The following SUMF1 variants were observed in gnomAD, a reference collection of about 807,000 sequenced individuals.
The protein encoded by SUMF1 is sulfatase modifying factor 1, also known as formylglycine-generating enzyme.
In SUMF1, 48 loss-of-function variants were observed where a neutral mutation model predicts 47.6. The observed-to-expected ratio is 1.01, with a 90% CI of 0.80 to 1.28. SUMF1 has a LOEUF of 1.28. SUMF1 is among the 50% of genes most tolerant of loss of function. SUMF1 has a pLI of 0.00. For synonymous variants in SUMF1, 230 were observed against 192.1 expected, an observed-to-expected ratio of 1.20 and a Z score of -1.63; for missense variants, 571 against 485.4, an observed-to-expected ratio of 1.18 and a Z score of -1.66.
At chr3:4,253,149 G>A (rs182758433) in intron 8 of SUMF1, among the ~76,000 whole-genome samples, 1 of 152,208 alleles carries the variant, frequency 6.6e-6, no homozygotes, top group Non-Finnish European at 1.5e-5. Flanking sequence ...CACAAGCTCA[G>A]TTTGGTTCAC....
intron 8 of SUMF1, among the ~76,000 whole-genome samples, chr3:4,204,583 C>G (rs141450160): frequency 3.9e-5 from 6 of 152,110 alleles, no homozygotes; most frequent in Non-Finnish European, 8.8e-5. Flanking sequence ...CAATCTTTCT[C>G]TCTACCTCCT....
intron 8 of SUMF1, among the ~76,000 whole-genome samples, chr3:4,099,529 C>T (rs1011983850): frequency 6.6e-6 from 1 of 152,030 alleles, no homozygotes; most frequent in African/African-American, 2.4e-5. Flanking sequence ...AAGTCAAATG[C>T]TTTCCATCTA....
intron 8 of SUMF1, among the ~76,000 whole-genome samples, chr3:4,089,325 C>G (rs1185163895): frequency 6.6e-6 from 1 of 152,120 alleles, no homozygotes; most frequent in South Asian, 2.1e-4. Flanking sequence ...ATTGGCAACA[C>G]TTCAGAATGT....
intron 9 of SUMF1, among the ~76,000 whole-genome samples, chr3:4,043,029 A>G (rs1457365244): frequency 6.6e-6 from 1 of 152,070 alleles, no homozygotes; most frequent in African/African-American, 2.4e-5. Flanking sequence ...TGGCTAATAG[A>G]AAGACCAAAA....
chr3:4,345,567 C>T (rs1479780187), intron 8 of SUMF1, among the ~76,000 whole-genome samples: 3 of 152,168 alleles, frequency 2.0e-5, no homozygotes, highest in African/African-American at 7.2e-5. Flanking sequence ...CTGGTAGCAG[C>T]CACTGCAAAA....
At chr3:4,386,419 G>A (rs1443159271) in intron 7 of SUMF1, among the ~76,000 whole-genome samples, 1 of 152,068 alleles carries the variant, frequency 6.6e-6, no homozygotes, top group African/African-American at 2.4e-5. Flanking sequence ...TTTGTTGTTA[G>A]TCTTACAAAA....
intron 8 of SUMF1, among the ~76,000 whole-genome samples, chr3:4,200,365 G>A (rs765461370): frequency 9.9e-5 from 15 of 151,786 alleles, no homozygotes; most frequent in Non-Finnish European, 1.9e-4. Flanking sequence ...ATGTGGGCAG[G>A]GCACTCCCCA....
intron 8 of SUMF1, among the ~76,000 whole-genome samples, chr3:4,161,720 C>A (rs1423756956): frequency 6.6e-6 from 1 of 152,060 alleles, no homozygotes; most frequent in African/African-American, 2.4e-5. Context: ...TGATCTAGGG[C>A]AGGTCCAGAA....
intron 8 of SUMF1, among the ~76,000 whole-genome samples, chr3:4,199,660 A>T (rs1695501291): frequency 6.6e-6 from 1 of 152,144 alleles, no homozygotes; most frequent in Non-Finnish European, 1.5e-5. Flanking sequence ...CTTATTATGT[A>T]TATTTTAATA....
intron 8 of SUMF1, among the ~76,000 whole-genome samples, chr3:4,154,169 T>C (rs559938219): frequency 1.3e-5 from 2 of 151,510 alleles, no homozygotes; most frequent in South Asian, 4.2e-4. Flanking sequence ...TGTGTGGAGG[T>C]ATCCAGGAAG....
At position 4,135,360 on chromosome 3, in the gene SUMF1, A is replaced by C. The variant is rs1034836533; in HGVS notation, c.1015-66615T>G. ...ATGTAATCCAGCATATAAACAGAAT[A>C]AAAGACAAAAACCACATGATTATCT... On this transcript the variant is annotated intron_variant and NMD_transcript_variant, in intron 8 of 12. Coordinates refer to the SUMF1 transcript ENST00000448413. Among the ~76,000 whole-genome samples the C allele has an allele frequency of 1.3e-3, 200 of 152,154 alleles. 2 individuals are homozygous for C. The highest frequency in any genetic ancestry group is 0.012 in the Admixed American group (185 of 15,252).
At chr3:4,106,835 A>T (rs1693170596) in intron 8 of SUMF1, among the ~76,000 whole-genome samples, 1 of 152,134 alleles carries the variant, frequency 6.6e-6, no homozygotes, top group Non-Finnish European at 1.5e-5. Flanking sequence ...ACAAATTAGG[A>T]TTTACCCTAG....
chr3:4,210,609 C>A (rs1405673436), intron 8 of SUMF1, among the ~76,000 whole-genome samples: 2 of 152,026 alleles, frequency 1.3e-5, no homozygotes, highest in Non-Finnish European at 2.9e-5. Flanking sequence ...CCACAATGCA[C>A]AAAAATTTTT....
intron 8 of SUMF1, chr3:4,303,536 G>T: frequency 7.3e-7 from 1 of 1,372,786 alleles, no homozygotes; most frequent in Non-Finnish European, 9.4e-7. Context: ...GGTAGGGGCG[G>T]GGCCAGGCGG....
chr3:4,199,182 A>G (rs947867512), intron 8 of SUMF1, among the ~76,000 whole-genome samples: 1 of 152,060 alleles, frequency 6.6e-6, no homozygotes, highest in Non-Finnish European at 1.5e-5. Flanking sequence ...CTCCACAGAA[A>G]CCTGATCTTC....
intron 8 of SUMF1, among the ~76,000 whole-genome samples, chr3:4,229,938 A>C (rs995554865): frequency 6.6e-6 from 1 of 152,062 alleles, no homozygotes; most frequent in Non-Finnish European, 1.5e-5. Flanking sequence ...CCTTGAGCCC[A>C]GGAGTTTAAC....
intron 8 of SUMF1, among the ~76,000 whole-genome samples, chr3:4,228,611 G>A (rs1002294499): frequency 6.6e-6 from 1 of 152,120 alleles, no homozygotes; most frequent in Non-Finnish European, 1.5e-5. Context: ...AAGGGTGATA[G>A]AAAATGTGGT....
intron 9 of SUMF1, among the ~76,000 whole-genome samples, chr3:4,042,343 G>A (rs979800211): frequency 6.6e-6 from 1 of 151,976 alleles, no homozygotes; most frequent in African/African-American, 2.4e-5. Flanking sequence ...TTGTTTGCTT[G>A]TTTGTTTTTA....
intron 9 of SUMF1, among the ~76,000 whole-genome samples, chr3:4,047,294 C>T (rs1193436031): frequency 6.6e-6 from 1 of 152,114 alleles, no homozygotes; most frequent in Non-Finnish European, 1.5e-5. Flanking sequence ...TCTTTAGCTT[C>T]ATAAGAGCAG....
Sources: gnomAD v4.1 joint callset for allele counts (sites outside exome capture counted in the v4.1 genomes callset) on GRCh38, gnomAD v4.1.1 for gene constraint, MANE v1.5 for transcripts, NCBI Gene and HGNC (gene_info 2026-07-23, HGNC 2026-07-21) for gene names.